The following SLC12A2 variants were observed in gnomAD, a reference collection of about 807,000 sequenced individuals.
The protein encoded by SLC12A2 is Na-K-2Cl cotransporter 1.
A neutral mutation model predicts 136.3 loss-of-function variants in SLC12A2; 67 were observed. The ratio of observed to expected loss-of-function variants is 0.49; its 90% CI spans 0.40 to 0.60. SLC12A2 has a LOEUF of 0.60. SLC12A2 is among the 20% of genes least tolerant of loss of function. SLC12A2 has a pLI of 0.00. For missense variants in SLC12A2, 1,322 were observed against 1,534.7 expected (o/e 0.86, Z 2.32); for synonymous variants, 619 against 562.9 (o/e 1.10, Z -1.41).
intron 15 of SLC12A2, among the ~76,000 whole-genome samples, chr5:128,157,760 T>C (rs1288860972): frequency 2.0e-5 from 3 of 152,208 alleles, no homozygotes; most frequent in African/African-American, 7.2e-5. Context: ...AAAATTGTTA[T>C]ATATTTTTTT....
At chr5:128,138,239 C>T (rs562139175) in intron 7 of SLC12A2, among the ~76,000 whole-genome samples, 2 of 152,272 alleles carry the variant, frequency 1.3e-5, no homozygotes, top group East Asian at 3.9e-4. Flanking sequence ...ACGCCATGCC[C>T]CCTTTTGTTT....
chr5:128,093,994 C>T (rs1760431278), intron 1 of SLC12A2, among the ~76,000 whole-genome samples: 1 of 151,996 alleles, frequency 6.6e-6, no homozygotes, highest in Admixed American at 6.6e-5. Context: ...TCTTCCTCTC[C>T]CTTCCACCAT....
intron 12 of SLC12A2, among the ~76,000 whole-genome samples, chr5:128,149,324 G>C (rs1762624881): frequency 6.6e-6 from 1 of 151,932 alleles, no homozygotes; most frequent in African/African-American, 2.4e-5. Flanking sequence ...CAAGTGTTGT[G>C]GGACTATGTG....
rs752934024 is a variant in SLC12A2, at chr5:128,131,083, A to G, written c.1065A>G (p.Leu355=). ...TGTTTTTAGGAGGAGCATATTATTT[A>G]ATATCTAGAAGTCTAGGGCCAGAAT... ...GFVRGGGAYY[L]ISRSLGPEFG... Residue 355 remains leucine, a synonymous_variant, in exon 5 of 27, where the codon TTA becomes TTG. Transcript: ENST00000262461. The G allele has an allele frequency of 4.3e-6, 7 of 1,613,744 alleles. No homozygotes were observed. Among genetic ancestry groups the G allele is most frequent in the Non-Finnish European group, 5.9e-6 (7 of 1,179,832 alleles).
At chr5:128,097,911 CAT>C (rs1760603725) in intron 1 of SLC12A2, among the ~76,000 whole-genome samples, 1 of 151,828 alleles carries the variant, frequency 6.6e-6, no homozygotes, top group African/African-American at 2.4e-5. Flanking sequence ...TTTATCTAAA[CAT>C]GTCTTTATTT....
chr5:128,167,816 A>T lies in SLC12A2; in HGVS notation c.2672A>T (p.Asp891Val), dbSNP rs759801294. The T allele has an allele frequency of 6.2e-7, 1 of 1,609,792 alleles. No homozygotes were observed. Among genetic ancestry groups the T allele is most frequent in the South Asian group, 1.1e-5 (1 of 90,228 alleles). ...ACACTTGTCCTTGGATTTAAGAAAG[A>T]TTGGTTGCAAGCAGATATGAGGGAT... ...PNTLVLGFKK[D>V]WLQADMRDVD... Residue 891 changes from aspartate to valine, a missense_variant, in exon 18 of 27, where the codon GAT (aspartate) becomes GTT (valine). Coordinates refer to ENST00000262461, the MANE Select transcript of SLC12A2 (RefSeq NM_001046.3).
Position 128,178,702 on chromosome 5 carries a change from A to T in SLC12A2, c.3100+13A>T, listed in dbSNP as rs199929591. ...TTTGATGATGGAGGTAAGGTTGTTAATTTTTTTAAAATGATTTTAAATTTA... is the reference window on the plus strand; with the variant it reads ...TTTGATGATGGAGGTAAGGTTGTTATTTTTTTTAAAATGATTTTAAATTTA... On this transcript the variant is annotated intron_variant, in intron 22 of 26. Transcript: ENST00000262461. 7.8e-4 allele frequency: 1,185 copies of T among 1,527,592 alleles called. 1 individual carries two copies. The highest frequency in any genetic ancestry group is 8.8e-4 in the Non-Finnish European group (1,007 of 1,139,418). The allele number at this position is 1,527,592 out of a possible 1,614,324, so 94.6% of individuals were successfully genotyped here.
chr5:128,182,895 G>A lies in SLC12A2; in HGVS notation c.3253G>A (p.Asp1085Asn). 6.2e-7 allele frequency: 1 copy of A among 1,611,570 alleles called. No homozygotes were observed. The highest frequency in any genetic ancestry group is 1.3e-5 in the African/African-American group (1 of 74,962). The change falls in exon 24 of 27, where the codon GAT becomes AAT. Residue 1085 changes from aspartate (D) to asparagine (N), a missense_variant. Around this residue, in one of 8 missense-constraint regions of SLC12A2, gnomAD observed 172 missense variants for 227.4 expected, o/e 0.76. Transcript: ENST00000262461. ...LLSKFRIDFS[D>N]IMVLGDINTK... ...TAGCAAGTTCCGGATAGACTTTTCTGATATCATGGTTCTAGGAGATATCAA... is the reference window on the plus strand; with the variant it reads ...TAGCAAGTTCCGGATAGACTTTTCTAATATCATGGTTCTAGGAGATATCAA...
In SLC12A2 at chr5:128,135,718, G is replaced by T. The variant is rs372943536; in HGVS notation, c.1318G>T (p.Val440Leu). 6.2e-7 allele frequency: 1 copy of T among 1,609,198 alleles called. No individual in the cohort carries two copies. The highest frequency in any genetic ancestry group is 1.3e-5 in the African/African-American group (1 of 74,746). Residue 440 changes from valine to leucine, a missense_variant, in exon 7 of 27, where the codon GTG (valine) becomes TTG (leucine). Transcript: ENST00000262461. ...ATTGCAGGCTCAGATTGTTCTTTTG[G>T]TGATCCTACTTCTTGCTATTGGTGA... Reference protein sequence around the residue: ...WEAKAQIVLLVILLLAIGDFV... With the variant: ...WEAKAQIVLLLILLLAIGDFV...
chr5:128,102,719 CCT>C (rs1760791455), intron 1 of SLC12A2, among the ~76,000 whole-genome samples: 1 of 145,278 alleles, frequency 6.9e-6, no homozygotes, highest in Non-Finnish European at 1.5e-5. Flanking sequence ...CTCAAGTTAT[CCT>C]CTGGCCTCAG....
intron 26 of SLC12A2, among the ~76,000 whole-genome samples, chr5:128,185,076 A>C (rs1193333508): frequency 1.3e-5 from 2 of 152,186 alleles, no homozygotes; most frequent in Non-Finnish European, 2.9e-5. Context: ...TTTTTATCAT[A>C]GTAGGTTATA....
intron 16 of SLC12A2, among the ~76,000 whole-genome samples, chr5:128,160,552 C>T (rs1422605232): frequency 6.6e-6 from 1 of 152,134 alleles, no homozygotes; most frequent in African/African-American, 2.4e-5. Flanking sequence ...TAAGTTCAAA[C>T]ACTTAGTTGC....
chr5:128,134,078 T>C (rs911051932), intron 5 of SLC12A2, 87 bp from the exon 6 acceptor site: 13 of 699,856 alleles, frequency 1.9e-5, no homozygotes, highest in Middle Eastern at 4.2e-4. Context: ...TAAGGCACCG[T>C]AATATCTCTA....
At chr5:128,126,228 C>CA (rs572548023) in intron 4 of SLC12A2, among the ~76,000 whole-genome samples, 58 of 152,222 alleles carry the variant, frequency 3.8e-4, no homozygotes, top group African/African-American at 1.1e-3. Flanking sequence ...ACTCTCGGAA[C>CA]AAAATCTAAT....
chr5:128,122,188 T>C (rs1761608734), intron 4 of SLC12A2, among the ~76,000 whole-genome samples: 1 of 152,228 alleles, frequency 6.6e-6, no homozygotes, highest in African/African-American at 2.4e-5. Context: ...AAAGCCTTGG[T>C]TACATAAAAC....
chr5:128,116,092 C>G (rs1230000128), intron 4 of SLC12A2, among the ~76,000 whole-genome samples: 2 of 152,142 alleles, frequency 1.3e-5, no homozygotes, highest in African/African-American at 4.8e-5. Context: ...CTTCATTTCT[C>G]TCTGCCACAA....
intron 9 of SLC12A2, 22 bp downstream of exon 9, chr5:128,138,930 T>C (rs772809357): frequency 2.0e-6 from 3 of 1,516,862 alleles, no homozygotes; most frequent in Non-Finnish European, 2.7e-6. Context: ...CACATTTCTT[T>C]ATGTGTCGCA....
At chr5:128,184,754 C>T (rs1763816966) in intron 25 of SLC12A2, 35 bp from the exon 26 acceptor site, 1 of 1,609,878 alleles carries the variant, frequency 6.2e-7, no homozygotes, top group South Asian at 1.1e-5. Flanking sequence ...CTTATTTCCA[C>T]ATGGTCTAGG....
intron 4 of SLC12A2, among the ~76,000 whole-genome samples, chr5:128,119,418 C>T (rs114885454): frequency 0.014 from 2,081 of 152,276 alleles, 51 homozygotes; most frequent in African/African-American, 0.048. Flanking sequence ...TTAATGTTAA[C>T]TAGTTTCAGC....
Sources: gnomAD v4.1 joint callset for allele counts (sites outside exome capture counted in the v4.1 genomes callset) on GRCh38, gnomAD v4.1.1 for gene constraint, gnomAD v4.1.1 regional missense constraint, MANE v1.5 for transcripts, NCBI Gene and HGNC (gene_info 2026-07-23, HGNC 2026-07-21) for gene names.